The following ADGRD1 variants were observed in gnomAD, a reference collection of about 807,000 sequenced individuals.
ADGRD1 encodes G-protein coupled receptor 133.
A neutral mutation model predicts 113.4 loss-of-function variants in ADGRD1; 77 were observed. The observed-to-expected ratio is 0.68, with a 90% CI of 0.57 to 0.82. The LOEUF is 0.82. ADGRD1 is among the 40% of genes least tolerant of loss of function. The probability of loss-of-function intolerance (pLI) is 0.00; values close to 1 mark genes in which losing one functional copy is unlikely to be tolerated. For synonymous variants in ADGRD1, 474 were observed against 475.0 expected (o/e 1.00, Z 0.03); for missense variants, 1,036 against 1,139.1 (o/e 0.91, Z 1.30).
intron 2 of ADGRD1, chr12:130,957,554 TCA>T (rs909207082): frequency 2.8e-4 from 43 of 152,192 alleles, no homozygotes; most frequent in African/African-American, 1.0e-3. Flanking sequence ...TTTACACAGC[TCA>T]CATATCCACA....
chr12:131,127,788 G>T (rs1950778621), intron 20 of ADGRD1, among the ~76,000 whole-genome samples: 1 of 141,442 alleles, frequency 7.1e-6, no homozygotes, highest in Admixed American at 6.9e-5. Flanking sequence ...TGTGTTGGTT[G>T]TGATGGGACC....
intron 5 of ADGRD1, among the ~76,000 whole-genome samples, chr12:130,985,101 G>GT (rs34234061): frequency 0.028 from 4,043 of 143,286 alleles, 193 homozygotes; most frequent in African/African-American, 0.095. Flanking sequence ...TGTCTCACTA[G>GT]TTTTTTTTTT....
intron 3 of ADGRD1, chr12:130,967,210 A>G (rs1871101508): frequency 1.1e-5 from 4 of 355,536 alleles, no homozygotes; most frequent in Non-Finnish European, 2.4e-5. Context: ...CAGCAAACGC[A>G]TCCCCATCTA....
At chr12:131,036,818 T>C (rs1397093171) in intron 13 of ADGRD1, among the ~76,000 whole-genome samples, 14 of 103,028 alleles carry the variant, frequency 1.4e-4, no homozygotes, top group Middle Eastern at 0.01. Context: ...CTGCCCCGGG[T>C]CTCACTCACT....
In ADGRD1 at chr12:131,096,717, G is replaced by A. The variant is rs1887308858; in HGVS notation, c.1672-8114G>A. Among the ~76,000 whole-genome samples the A allele has an allele frequency of 6.6e-6, 1 of 152,166 alleles. No individual in the cohort carries two copies. The highest frequency in any genetic ancestry group is 1.5e-5 in the Non-Finnish European group (1 of 68,032). On this transcript the variant is annotated intron_variant, in intron 15 of 24. Coordinates refer to ENST00000261654, the MANE Select transcript of ADGRD1 (RefSeq NM_198827.5). This position sits in a 1 kb window ranked among gnomAD's most constrained non-coding sequence, Gnocchi z 5.2. Reference sequence around the variant, plus strand: ...ATCCCGCCTCCATCTGTGAGGATGGGTTCCCGTGGGGCACTGCCAGTCCAG... The same window carrying A: ...ATCCCGCCTCCATCTGTGAGGATGGATTCCCGTGGGGCACTGCCAGTCCAG...
intron 8 of ADGRD1, among the ~76,000 whole-genome samples, chr12:131,000,074 C>T (rs1876151812): frequency 6.6e-6 from 1 of 152,212 alleles, no homozygotes; most frequent in African/African-American, 2.4e-5. Flanking sequence ...CGGGCTTTCA[C>T]TGAGGGCCTG....
intron 18 of ADGRD1, among the ~76,000 whole-genome samples, chr12:131,112,674 T>G (rs1482976425): frequency 6.6e-6 from 1 of 152,224 alleles, no homozygotes; most frequent in Admixed American, 6.5e-5. Context: ...ATGGGTAGCT[T>G]CTTTTCCTGG....
chr12:131,129,455 G>GCCCTGCTCTGGGTGTGAGTGACAGCCCCA (rs1566136847), intron 20 of ADGRD1, among the ~76,000 whole-genome samples: 2 of 134,450 alleles, frequency 1.5e-5, no homozygotes, highest in Non-Finnish European at 3.4e-5. Flanking sequence ...TGACAGGCCC[G>GCCCTGCTCTGGGTGTGAGTGACAGCCCCA]CCCTGCTGTC....
At chr12:130,996,815 C>T (rs1411291561) in intron 8 of ADGRD1, among the ~76,000 whole-genome samples, 16 of 101,504 alleles carry the variant, frequency 1.6e-4, no homozygotes, top group Non-Finnish European at 2.3e-4. Flanking sequence ...CCGGACGGGG[C>T]GGCTGGCCGG....
intron 13 of ADGRD1, among the ~76,000 whole-genome samples, chr12:131,037,823 C>A (rs1881682654): frequency 7.6e-6 from 1 of 131,438 alleles, no homozygotes; most frequent in Non-Finnish European, 1.6e-5. Context: ...ATCTTACTCA[C>A]TGCATGGGGC....
intron 15 of ADGRD1, among the ~76,000 whole-genome samples, chr12:131,092,781 G>T (rs1886998241): frequency 6.6e-6 from 1 of 152,152 alleles, no homozygotes; most frequent in Non-Finnish European, 1.5e-5. Context: ...GGCTGACTCT[G>T]GCCAGTGACT....
At chr12:131,121,386 T>C (rs1950589903) in intron 20 of ADGRD1, among the ~76,000 whole-genome samples, 1 of 152,058 alleles carries the variant, frequency 6.6e-6, no homozygotes, top group Non-Finnish European at 1.5e-5. Context: ...TTGTTGTTGT[T>C]TTTGTTATTG....
chr12:131,106,016 G>C, intron 17 of ADGRD1, 151 bp downstream of exon 17: 1 of 651,112 alleles, frequency 1.5e-6, no homozygotes, highest in Non-Finnish European at 2.7e-6. Flanking sequence ...GGGAAGCAGA[G>C]ATCGTGACGT....
chr12:130,985,608 T>C (rs1170115986), intron 5 of ADGRD1, among the ~76,000 whole-genome samples: 1 of 151,760 alleles, frequency 6.6e-6, no homozygotes, highest in Non-Finnish European at 1.5e-5. Flanking sequence ...TGGAGTGCAA[T>C]GGGGCGATCT....
chr12:131,002,542 C>T (rs758802605), intron 9 of ADGRD1: 25 of 999,338 alleles, frequency 2.5e-5, no homozygotes, highest in Non-Finnish European at 3.0e-5. Flanking sequence ...CTCACTGGCC[C>T]AGCTCAGCAG....
chr12:131,129,241 C>G lies in ADGRD1; in HGVS notation c.2176-2484C>G, dbSNP rs866398083. Among the ~76,000 whole-genome samples, 79 of 124,156 alleles carry G rather than the reference C, an allele frequency of 6.4e-4. 1 individual carries two copies. Among genetic ancestry groups the G allele is most frequent in the East Asian group, 9.6e-4 (4 of 4,150 alleles). The allele number at this position is 124,156 out of a possible 152,430, so 81.5% of individuals were successfully genotyped here. On this transcript the variant is annotated intron_variant, in intron 20 of 24. Coordinates refer to ENST00000261654, the MANE Select transcript of ADGRD1 (RefSeq NM_198827.5). ...GCTGTCTGGGTGTGAGTGACAGGCC[C>G]GCCCTGCTGTCTGGGTGTGAGTGAC...
chr12:130,983,524 T>A (rs373097666), intron 5 of ADGRD1, among the ~76,000 whole-genome samples: 5 of 152,316 alleles, frequency 3.3e-5, no homozygotes, highest in Admixed American at 2.6e-4. Flanking sequence ...ATCCATTAGG[T>A]TCTTTGACCT....
At chr12:130,996,816 G>A (rs1170598871) in intron 8 of ADGRD1, among the ~76,000 whole-genome samples, 13 of 108,014 alleles carry the variant, frequency 1.2e-4, no homozygotes, top group East Asian at 2.8e-4. Flanking sequence ...CGGACGGGGC[G>A]GCTGGCCGGG....
intron 13 of ADGRD1, chr12:131,069,740 A>G (rs2137126952): frequency 6.6e-6 from 1 of 152,326 alleles, no homozygotes; most frequent in East Asian, 1.9e-4. Flanking sequence ...AACAAGACAA[A>G]ATCCAAGGTC....
Sources: gnomAD v4.1 joint callset for allele counts (sites outside exome capture counted in the v4.1 genomes callset) on GRCh38, gnomAD v4.1.1 for gene constraint, Gnocchi (gnomAD v3.1) non-coding constraint, MANE v1.5 for transcripts, NCBI Gene and HGNC (gene_info 2026-07-23, HGNC 2026-07-21) for gene names.